Variants in NAV1 observed in about 807,000 individuals in gnomAD.
NAV1 encodes the protein pore membrane and/or filament interacting like protein 3.
In NAV1, 18 loss-of-function variants were observed where a neutral mutation model predicts 175.2. The observed-to-expected ratio is 0.10, with a 90% CI of 0.07 to 0.15. NAV1 has a LOEUF of 0.15. Among genes scored for constraint, NAV1 ranks in the 10% least tolerant of loss-of-function variants. The pLI is 1.00. For synonymous variants in NAV1, 897 were observed against 978.7 expected (o/e 0.92, Z 1.56); for missense variants, 1,731 against 2,436.6 (o/e 0.71, Z 6.10).
intron 3 of NAV1, among the ~76,000 whole-genome samples, chr1:201,777,975 A>G (rs1031789661): frequency 6.6e-6 from 1 of 151,984 alleles, no homozygotes; most frequent in African/African-American, 2.4e-5. Context: ...GAAAGAAACT[A>G]TGCTCTCTTC....
chr1:201,782,107 A>G lies in NAV1; in HGVS notation c.1664-69A>G. On this transcript the variant is annotated intron_variant, in intron 5 of 29. Transcript: ENST00000367296. The surrounding 1 kb of genome is among the most constrained non-coding windows in gnomAD (Gnocchi z 5.4). ...CAATGTTCCCTTCTCCCATGGAGGG[A>G]AAGAAAAGGGTGGGTTTTTAAGATA... 1 of 1,373,836 alleles carries G rather than the reference A, an allele frequency of 7.3e-7. No homozygotes were observed. Among genetic ancestry groups the G allele is most frequent in the South Asian group, 1.4e-5 (1 of 71,420 alleles). 85.1% of individuals were successfully genotyped at this position (1,373,836 alleles called of 1,614,324 possible). A position where few individuals can be genotyped will look rare whatever the true frequency, so the allele number is the denominator to read the frequency against.
chr1:201,763,612 G>A (rs1674999992), intron 3 of NAV1, among the ~76,000 whole-genome samples: 2 of 152,130 alleles, frequency 1.3e-5, no homozygotes, highest in Non-Finnish European at 2.9e-5. Context: ...ACCCACAGTT[G>A]GTCCTAATTA....
chr1:201,708,005 GGTGAACA>G (rs1671740947), intron 1 of NAV1, among the ~76,000 whole-genome samples: 1 of 152,150 alleles, frequency 6.6e-6, no homozygotes, highest in Non-Finnish European at 1.5e-5. Context: ...AATGCCTCGT[GGTGAACA>G]TTGAGTAGCT....
intron 1 of NAV1, among the ~76,000 whole-genome samples, chr1:201,560,861 G>T (rs1666175222): frequency 6.6e-6 from 1 of 152,220 alleles, no homozygotes; most frequent in Admixed American, 6.5e-5. Flanking sequence ...ATGACGGGAA[G>T]GCCAGGCTGC....
At chr1:201,642,070 TC>T (rs1459283639) in intron 2 of NAV1, among the ~76,000 whole-genome samples, 1 of 149,038 alleles carries the variant, frequency 6.7e-6, no homozygotes, top group Non-Finnish European at 1.5e-5. Context: ...TTTCTTTTTT[TC>T]CTTCCTCCCT....
At position 201,718,615 on chromosome 1, in the gene NAV1, C is replaced by A; in HGVS notation, c.1086C>A (p.Ser362Arg). 1.2e-6 allele frequency: 2 copies of A among 1,614,200 alleles called. No homozygotes were observed. Among genetic ancestry groups the A allele is most frequent in the Non-Finnish European group, 1.7e-6 (2 of 1,180,036 alleles). ...ACTCCCACACCATGCCCATGCGCAGCCCCAGCAAGCTCAGCCATATCTCCC... is the reference window on the plus strand; with the variant it reads ...ACTCCCACACCATGCCCATGCGCAGACCCAGCAAGCTCAGCCATATCTCCC... Residue 362 changes from serine (S) to arginine (R), a missense_variant, in exon 3 of 30, where the codon AGC (serine) becomes AGA (arginine). Physicochemically the swap from Ser to Arg is moderately radical, Grantham distance 110 (BLOSUM62 -1). This residue lies in a region of NAV1 where 487 missense variants were observed against 581.3 expected (regional missense o/e 0.84). Transcript: ENST00000367296. The surrounding 1 kb of genome is among the most constrained non-coding windows in gnomAD (Gnocchi z 4.8).
chr1:201,772,447 G>T (rs181588772), intron 3 of NAV1, among the ~76,000 whole-genome samples: 2 of 152,228 alleles, frequency 1.3e-5, no homozygotes, highest in Non-Finnish European at 2.9e-5. Context: ...AGGCAAGACA[G>T]CTGGTCACCT....
intron 1 of NAV1, among the ~76,000 whole-genome samples, chr1:201,660,824 G>C (rs1023811818): frequency 1.3e-5 from 2 of 152,178 alleles, no homozygotes; most frequent in East Asian, 1.9e-4. Flanking sequence ...AGTCCTGGGG[G>C]CCCCCTGTTA....
At chr1:201,642,167 C>CCTTCCTTCCTTCCTT (rs1668780257) in intron 2 of NAV1, among the ~76,000 whole-genome samples, 4 of 116,504 alleles carry the variant, frequency 3.4e-5, no homozygotes, top group African/African-American at 1.4e-4. Context: ...TCTCTCCCCT[C>CCTTCCTTCCTTCCTT]CCTTCCTTCC....
chr1:201,783,283 G>A, intron 6 of NAV1, 123 bp from the exon 11 acceptor site: 2 of 1,004,024 alleles, frequency 2.0e-6, no homozygotes, highest in Non-Finnish European at 3.0e-6. Context: ...AACAGCATTA[G>A]GATAAGCCTC....
chr1:201,764,545 C>T (rs1054784904), intron 3 of NAV1, among the ~76,000 whole-genome samples: 6 of 152,218 alleles, frequency 3.9e-5, no homozygotes, highest in African/African-American at 9.6e-5. Flanking sequence ...CCTCCCTGAA[C>T]GCCCCATCTC....
At chr1:201,799,450 T>C (rs937963260) in intron 15 of NAV1, among the ~76,000 whole-genome samples, 3 of 152,236 alleles carry the variant, frequency 2.0e-5, no homozygotes, top group African/African-American at 7.2e-5. Context: ...TTTATTTTAT[T>C]TCATTTTATT....
chr1:201,696,793 G>A (rs1463006220), intron 1 of NAV1, among the ~76,000 whole-genome samples: 1 of 152,204 alleles, frequency 6.6e-6, no homozygotes, highest in Non-Finnish European at 1.5e-5. Context: ...TGTGACCTTA[G>A]GAAGTTAACT....
chr1:201,670,792 T>G (rs1228251466), intron 1 of NAV1, among the ~76,000 whole-genome samples: 1 of 147,950 alleles, frequency 6.8e-6, no homozygotes, highest in Admixed American at 6.7e-5. Context: ...TGGTAGAGAT[T>G]ATGGTGATGT....
intron 3 of NAV1, among the ~76,000 whole-genome samples, chr1:201,726,398 C>T (rs1054348421): frequency 3.3e-5 from 5 of 152,116 alleles, no homozygotes; most frequent in Admixed American, 2.6e-4. Flanking sequence ...AATCCCAGCA[C>T]TTTGGGAGGC....
In NAV1 at chr1:201,784,569, ATT is replaced by A. The variant is rs35341000; in HGVS notation, c.2805-726_2805-725del. ...GTTTTTACCTACCATAATACGATCT[ATT>A]TTTTTTTTTTTTTTGAGATGGGGTC... On this transcript the variant is annotated intron_variant, in intron 7 of 29. Transcript: ENST00000367296. Among the ~76,000 whole-genome samples, 131 of 136,828 alleles carry A rather than the reference ATT, an allele frequency of 9.6e-4. 6 individuals are homozygous for A. Among genetic ancestry groups the A allele is most frequent in the African/African-American group, 2.5e-4 (9 of 35,654 alleles). 89.8% of individuals were successfully genotyped at this position (136,828 alleles called of 152,430 possible).
intron 2 of NAV1, 93 bp downstream of exon 6, chr1:201,713,012 C>A: frequency 1.1e-6 from 1 of 880,136 alleles, no homozygotes; most frequent in Non-Finnish European, 1.9e-6. Context: ...CTCCACACCT[C>A]TGCCAGGTCA....
At chr1:201,630,600 T>C (rs1668457809) in intron 2 of NAV1, among the ~76,000 whole-genome samples, 1 of 152,194 alleles carries the variant, frequency 6.6e-6, no homozygotes, top group East Asian at 1.9e-4. Flanking sequence ...ACTGCAACCC[T>C]AAAAACAGAG....
At chr1:201,649,332 G>A (rs746115921) in exon 1 of NAV1, 2 of 1,611,988 alleles carry the variant, frequency 1.2e-6, no homozygotes, top group African/African-American at 2.7e-5. Flanking sequence ...CTCTGCCAAG[G>A]GCCAGGAGGA....
Sources: allele counts gnomAD v4.1 joint callset (sites outside exome capture counted in the v4.1 genomes callset), GRCh38; gene constraint gnomAD v4.1.1; regional missense constraint gnomAD v4.1.1; non-coding constraint Gnocchi (gnomAD v3.1); transcripts MANE v1.5; gene names NCBI Gene and HGNC (gene_info 2026-07-23, HGNC 2026-07-21).